Variants in AXDND1 observed in about 807,000 individuals in gnomAD.
The protein encoded by AXDND1 is axonemal dynein light chain domain-containing protein 1.
AXDND1 carries 110 observed loss-of-function variants against 137.5 expected under a neutral mutation model. The observed-to-expected ratio is 0.80, with a 90% CI of 0.69 to 0.94. The LOEUF (loss-of-function observed/expected upper bound fraction) is 0.94, where lower values mean the gene tolerates loss of function less well. Among genes scored for constraint, AXDND1 ranks in the 40% least tolerant of loss-of-function variants. The probability of loss-of-function intolerance (pLI) is 0.00; values close to 1 mark genes in which losing one functional copy is unlikely to be tolerated. For missense variants in AXDND1, 1,191 were observed against 1,169.8 expected (o/e 1.02, Z -0.26); for synonymous variants, 414 against 399.7 (o/e 1.04, Z -0.43).
chr1:179,497,859 C>A (rs1398868556), intron 20 of AXDND1, among the ~76,000 whole-genome samples: 1 of 152,074 alleles, frequency 6.6e-6, no homozygotes, highest in African/African-American at 2.4e-5. Context: ...TTTCTATACA[C>A]CAATAATGTC....
intron 12 of AXDND1, among the ~76,000 whole-genome samples, chr1:179,414,705 G>A (rs1471640304): frequency 6.6e-6 from 1 of 152,130 alleles, no homozygotes; most frequent in African/African-American, 2.4e-5. Context: ...GATTACAAGT[G>A]TGAGCCACCG....
chr1:179,475,559 C>T (rs1042588117), intron 17 of AXDND1, among the ~76,000 whole-genome samples: 18 of 152,248 alleles, frequency 1.2e-4, no homozygotes, highest in African/African-American at 4.3e-4. Context: ...TGGTCAATTT[C>T]TCCCATTTGA....
chr1:179,518,789 T>C (rs943792890), intron 21 of AXDND1, among the ~76,000 whole-genome samples: 25 of 152,222 alleles, frequency 1.6e-4, no homozygotes, highest in Non-Finnish European at 2.9e-5. Flanking sequence ...TAGTCTATCA[T>C]TGATGGATAT....
rs141183487 is a variant in AXDND1, at chr1:179,403,717, G to T, written c.1110-7429G>T. On this transcript the variant is annotated intron_variant, in intron 11 of 25. Coordinates refer to ENST00000367618, the MANE Select transcript of AXDND1 (RefSeq NM_144696.6). ...GCCTCCTGAATAGCTGGGATTTCAG[G>T]CATGTGCCACCACACCCGGCTAATT... Among the ~76,000 whole-genome samples the T allele has an allele frequency of 5.0e-3, 763 of 152,264 alleles. 8 individuals carry two copies. The highest frequency in any genetic ancestry group is 0.018 in the African/African-American group (740 of 41,560).
At chr1:179,516,901 G>A (rs1030296130) in intron 21 of AXDND1, among the ~76,000 whole-genome samples, 5 of 152,192 alleles carry the variant, frequency 3.3e-5, no homozygotes, top group African/African-American at 1.2e-4. Context: ...AGCTTTGGTG[G>A]TTTAATGTTC....
chr1:179,378,877 T>C, intron 5 of AXDND1, 120 bp downstream of exon 5: 1 of 778,238 alleles, frequency 1.3e-6, no homozygotes, highest in Admixed American at 4.3e-5. Flanking sequence ...ACAACCTGCA[T>C]TGCTCACCAA....
intron 16 of AXDND1, chr1:179,456,529 C>G: frequency 1.3e-6 from 1 of 775,638 alleles, no homozygotes; most frequent in Non-Finnish European, 2.4e-6. Context: ...TAACCCTGTC[C>G]AACACTTCCA....
At position 179,554,657 on chromosome 1, in the gene AXDND1, T is replaced by C; in HGVS notation, c.*138T>C. The stretch of plus-strand genomic sequence containing the variant: ...CCTTTGAAAGGACATTATTTGCCTG[T>C]TGTATTTAACTTCACAGTGCCTTGC... On this transcript the variant is annotated 3_prime_UTR_variant, in exon 26 of 26. Transcript: ENST00000367618. 7.3e-7 allele frequency: 1 copy of C among 1,361,816 alleles called. No homozygotes were observed. The highest frequency in any genetic ancestry group is 1.2e-5 in the South Asian group (1 of 83,758). 84.4% of individuals were successfully genotyped at this position (1,361,816 alleles called of 1,614,324 possible). A position where few individuals can be genotyped will look rare whatever the true frequency, so the allele number is the denominator to read the frequency against.
chr1:179,517,921 A>G (rs1186881234), intron 21 of AXDND1, among the ~76,000 whole-genome samples: 1 of 152,116 alleles, frequency 6.6e-6, no homozygotes, highest in Non-Finnish European at 1.5e-5. Context: ...GCCTCCACAC[A>G]CTGCTCTGTC....
intron 2 of AXDND1, among the ~76,000 whole-genome samples, chr1:179,367,623 G>A (rs1667589595): frequency 6.6e-6 from 1 of 152,092 alleles, no homozygotes; most frequent in Non-Finnish European, 1.5e-5. Flanking sequence ...TGTAATCCCA[G>A]CTACTCGGCA....
chr1:179,448,943 G>A (rs905462278), intron 16 of AXDND1: 4 of 255,078 alleles, frequency 1.6e-5, no homozygotes, highest in African/African-American at 9.5e-5. Flanking sequence ...GTGGAGTGCA[G>A]TGGCATGATC....
intron 9 of AXDND1, among the ~76,000 whole-genome samples, chr1:179,390,130 C>A (rs537486866): frequency 1.3e-5 from 2 of 152,026 alleles, no homozygotes; most frequent in African/African-American, 4.8e-5. Flanking sequence ...TCTTGTGTCT[C>A]AGCCACCCAA....
At chr1:179,522,364 A>G (rs1258839335) in intron 21 of AXDND1, among the ~76,000 whole-genome samples, 11 of 152,282 alleles carry the variant, frequency 7.2e-5, no homozygotes, top group African/African-American at 2.6e-4. Flanking sequence ...GTCTTTGCTC[A>G]TATTTTCAAT....
At chr1:179,421,871 C>T (rs143022687) in intron 12 of AXDND1, among the ~76,000 whole-genome samples, 1 of 151,712 alleles carries the variant, frequency 6.6e-6, no homozygotes, top group Non-Finnish European at 1.5e-5. Flanking sequence ...AACTCTGTCT[C>T]TACTAAAAAT....
At chr1:179,379,316 T>G in intron 5 of AXDND1, 81 bp from the exon 6 acceptor site, 1 of 1,425,044 alleles carries the variant, frequency 7.0e-7, no homozygotes, top group Admixed American at 2.1e-5. Context: ...TCTCTTTAGG[T>G]TAGGAATTAG....
At chr1:179,385,723 T>C (rs1317466916) in intron 9 of AXDND1, among the ~76,000 whole-genome samples, 1 of 152,126 alleles carries the variant, frequency 6.6e-6, no homozygotes, top group Non-Finnish European at 1.5e-5. Flanking sequence ...AGGGAACCTG[T>C]GGGGAGGCAC....
chr1:179,535,138 A>AGG, intron 25 of AXDND1, 176 bp downstream of exon 25: 1 of 915,854 alleles, frequency 1.1e-6, no homozygotes. Flanking sequence ...ACAACTCACA[A>AGG]AAAGGAAAAC....
intron 11 of AXDND1, 120 bp from the exon 12 acceptor site, chr1:179,411,026 T>A: frequency 1.3e-6 from 1 of 746,680 alleles, no homozygotes; most frequent in Non-Finnish European, 2.0e-6. Flanking sequence ...CATAATTACC[T>A]TATGATGAGT....
At chr1:179,535,353 C>G (rs182076561) in intron 25 of AXDND1, among the ~76,000 whole-genome samples, 30 of 152,132 alleles carry the variant, frequency 2.0e-4, no homozygotes, top group African/African-American at 5.8e-4. Context: ...AGGTATTTCT[C>G]CTAATGCTAT....
Sources: allele counts gnomAD v4.1 joint callset (sites outside exome capture counted in the v4.1 genomes callset), GRCh38; gene constraint gnomAD v4.1.1; transcripts MANE v1.5; gene names NCBI Gene and HGNC (gene_info 2026-07-23, HGNC 2026-07-21).